Variants in KIF20B observed in about 807,000 individuals in gnomAD.
KIF20B encodes the protein kinesin-like protein KIF20B.
A neutral mutation model predicts 232.5 loss-of-function variants in KIF20B; 188 were observed. The ratio of observed to expected loss-of-function variants is 0.81; its 90% CI spans 0.72 to 0.91. KIF20B has a LOEUF of 0.91. Ranked by LOEUF, KIF20B falls within the 40% of genes least tolerant of loss-of-function variation. The probability of loss-of-function intolerance (pLI) is 0.00; values close to 1 mark genes in which losing one functional copy is unlikely to be tolerated. For missense variants in KIF20B, 2,154 were observed against 2,055.9 expected, an observed-to-expected ratio of 1.05 and a Z score of -0.92; for synonymous variants, 712 against 683.0, an observed-to-expected ratio of 1.04 and a Z score of -0.66.
chr10:89,774,704 A>G lies in KIF20B; in HGVS notation c.*656A>G, dbSNP rs984506983. Reference sequence around the variant, plus strand: ...CAGATAATCCAATTACATTCTTTAGATCATTTAAAAATATACAAGTAAGTT... The same window carrying G: ...CAGATAATCCAATTACATTCTTTAGGTCATTTAAAAATATACAAGTAAGTT... On this transcript the variant is annotated 3_prime_UTR_variant, in exon 33 of 33. Coordinates refer to ENST00000371728, the MANE Select transcript of KIF20B (RefSeq NM_001284259.2). The G allele has an allele frequency of 2.0e-5, 3 of 152,000 alleles. No individual in the cohort carries two copies. Among genetic ancestry groups the G allele is most frequent in the African/African-American group, 7.2e-5 (3 of 41,434 alleles). 9.4% of individuals were successfully genotyped at this position (152,000 alleles called of 1,614,324 possible). A position where few individuals can be genotyped will look rare whatever the true frequency, so the allele number is the denominator to read the frequency against.
At chr10:89,758,909 T>C in intron 27 of KIF20B, 27 bp downstream of exon 27, 1 of 1,378,676 alleles carries the variant, frequency 7.3e-7, no homozygotes, top group South Asian at 1.7e-5. Flanking sequence ...GCTATGCCTT[T>C]TTAATTGAAC....
chr10:89,747,231 A>G (rs1841931751), intron 23 of KIF20B, among the ~76,000 whole-genome samples: 1 of 152,050 alleles, frequency 6.6e-6, no homozygotes, highest in African/African-American at 2.4e-5. Context: ...AAAAGTCAGG[A>G]AACAACAGGT....
intron 21 of KIF20B, among the ~76,000 whole-genome samples, chr10:89,739,830 CTA>C (rs1841754982): frequency 6.6e-6 from 1 of 152,064 alleles, no homozygotes; most frequent in African/African-American, 2.4e-5. Flanking sequence ...TTTTTAATCT[CTA>C]AACAGTATTT....
At chr10:89,710,329 C>T (rs1347577094) in intron 5 of KIF20B, among the ~76,000 whole-genome samples, 1 of 151,184 alleles carries the variant, frequency 6.6e-6, no homozygotes, top group East Asian at 2.0e-4. Context: ...TCAGATGACT[C>T]TCCTGCCTGA....
chr10:89,766,617 A>C (rs145030531), intron 29 of KIF20B, among the ~76,000 whole-genome samples: 2,554 of 152,188 alleles, frequency 0.017, 88 homozygotes, highest in African/African-American at 0.058. Flanking sequence ...TTAAGCTTAA[A>C]ACTAATTACA....
intron 23 of KIF20B, among the ~76,000 whole-genome samples, chr10:89,750,939 T>G (rs965794568): frequency 3.3e-5 from 5 of 152,108 alleles, no homozygotes; most frequent in African/African-American, 7.2e-5. Context: ...GAGGTAAAGG[T>G]TTTAGTTTGA....
Position 89,750,597 on chromosome 10 carries a change from T to G in KIF20B, c.4097-749T>G, listed in dbSNP as rs555628623. On this transcript the variant is annotated intron_variant, in intron 23 of 32. Coordinates refer to ENST00000371728, the MANE Select transcript of KIF20B (RefSeq NM_001284259.2). ...ATAGCTTTATCACCTCTGACATCAG[T>G]AATAGTTGGTAAGAGTTCTCTGAAA... Among the ~76,000 whole-genome samples, 3 of 152,262 alleles carry G rather than the reference T, an allele frequency of 2.0e-5. No homozygotes were observed. The South Asian group carries it at 6.2e-4, about 32-fold the overall frequency.
intron 1 of KIF20B, among the ~76,000 whole-genome samples, chr10:89,703,813 C>T (rs1042915906): frequency 1.3e-5 from 2 of 149,740 alleles, no homozygotes; most frequent in South Asian, 2.1e-4. Context: ...AGCGCAGTGG[C>T]GCAGTCTCGG....
chr10:89,737,315 A>G, intron 19 of KIF20B, 72 bp from the exon 20 acceptor site: 1 of 1,308,062 alleles, frequency 7.6e-7, no homozygotes, highest in East Asian at 2.7e-5. Flanking sequence ...ATGTTTGAAT[A>G]TTGGCTTATA....
intron 29 of KIF20B, among the ~76,000 whole-genome samples, chr10:89,765,936 T>A (rs556564002): frequency 1.3e-5 from 2 of 152,218 alleles, no homozygotes; most frequent in Admixed American, 1.3e-4. Flanking sequence ...CCCTTAACAT[T>A]TTTTCCTTCA....
chr10:89,772,855 T>A, intron 32 of KIF20B, 24 bp downstream of exon 32: 1 of 1,593,276 alleles, frequency 6.3e-7, no homozygotes, highest in Non-Finnish European at 8.5e-7. Flanking sequence ...TCTGTTTTCA[T>A]CAATGTAGAA....
chr10:89,768,610 T>C (rs1842409086), intron 30 of KIF20B, 128 bp from the exon 31 acceptor site: 4 of 919,634 alleles, frequency 4.3e-6, no homozygotes, highest in East Asian at 5.4e-5. Flanking sequence ...ATCCCTGTCC[T>C]TACATACTTA....
At chr10:89,754,471 C>G in intron 25 of KIF20B, 47 bp from the exon 26 acceptor site, 1 of 1,263,120 alleles carries the variant, frequency 7.9e-7, no homozygotes, top group East Asian at 2.6e-5. Flanking sequence ...CATGTATTGA[C>G]TACTTTGTAG....
intron 28 of KIF20B, among the ~76,000 whole-genome samples, chr10:89,761,189 G>C (rs765629796): frequency 2.0e-5 from 3 of 152,130 alleles, no homozygotes; most frequent in Non-Finnish European, 4.4e-5. Flanking sequence ...GGAGCATTCA[G>C]AGTTGGGAAC....
At chr10:89,735,474 A>T (rs942094216) in intron 19 of KIF20B, among the ~76,000 whole-genome samples, 1 of 152,028 alleles carries the variant, frequency 6.6e-6, no homozygotes, top group Non-Finnish European at 1.5e-5. Flanking sequence ...ACTCATTAAA[A>T]AGAAAAATGT....
rs778502113 is a variant in KIF20B, at chr10:89,754,541, T to C, written c.4371T>C (p.Ala1457=). 1 of 1,597,878 alleles carries C rather than the reference T, an allele frequency of 6.3e-7. No homozygotes were observed. The change falls in exon 26 of 33, where the codon GCT becomes GCC. Residue 1457 remains alanine (A), a synonymous_variant. Coordinates refer to ENST00000371728, the MANE Select transcript of KIF20B (RefSeq NM_001284259.2). ...ELQESEQKYN[A]DRKKWLEEKM... Reference sequence around the variant, plus strand: ...AGGAGTCTGAACAGAAATATAATGCTGATAGAAAGAAATGGTTAGAAGAAA... The same window carrying C: ...AGGAGTCTGAACAGAAATATAATGCCGATAGAAAGAAATGGTTAGAAGAAA...
rs764509050 is a variant in KIF20B, at chr10:89,737,933, A to G, written c.3092A>G (p.Asn1031Ser). The G allele has an allele frequency of 1.9e-5, 30 of 1,613,220 alleles. No individual in the cohort carries two copies. The highest frequency in any genetic ancestry group is 2.5e-5 in the Non-Finnish European group (29 of 1,179,580). The change falls in exon 20 of 33, where the codon AAT becomes AGT. Residue 1031 changes from asparagine to serine, a missense_variant. Coordinates refer to ENST00000371728, the MANE Select transcript of KIF20B (RefSeq NM_001284259.2). ...AATACACAGTTAGACCTTTTAGGTA[A>G]TGATTATTTGGTAAGTAAGCAAGTT... ...LPNTQLDLLGNDYLVSKQVKE... is the reference protein window; with the variant it reads ...LPNTQLDLLGSDYLVSKQVKE...
chr10:89,752,068 C>T (rs981324657), intron 24 of KIF20B, among the ~76,000 whole-genome samples: 1 of 152,034 alleles, frequency 6.6e-6, no homozygotes, highest in East Asian at 1.9e-4. Flanking sequence ...GCACATTATT[C>T]TTTTTTTAAA....
chr10:89,759,202 A>T (rs892685171), intron 27 of KIF20B, among the ~76,000 whole-genome samples: 8 of 152,234 alleles, frequency 5.3e-5, no homozygotes, highest in African/African-American at 1.9e-4. Context: ...TGCGTTTAAA[A>T]TATGGAAATG....
Sources: allele counts gnomAD v4.1 joint callset (sites outside exome capture counted in the v4.1 genomes callset), GRCh38; gene constraint gnomAD v4.1.1; transcripts MANE v1.5; gene names NCBI Gene and HGNC (gene_info 2026-07-23, HGNC 2026-07-21).